The following RBM33 variants were observed in gnomAD, a reference collection of about 807,000 sequenced individuals.
The protein encoded by RBM33 is RNA binding motif protein 33.
A neutral mutation model predicts 132.6 loss-of-function variants in RBM33; 28 were observed. The ratio of observed to expected loss-of-function variants is 0.21; its 90% CI spans 0.16 to 0.29. RBM33 has a LOEUF of 0.29. RBM33 is among the 10% of genes least tolerant of loss of function. The pLI is 1.00. For missense variants in RBM33, 1,291 were observed against 1,518.5 expected, an observed-to-expected ratio of 0.85 and a Z score of 2.49; for synonymous variants, 634 against 593.0, an observed-to-expected ratio of 1.07 and a Z score of -1.01.
Position 155,780,178 on chromosome 7 carries a change from A to G in RBM33, c.*5137A>G, listed in dbSNP as rs1267109528. The G allele has an allele frequency of 3.9e-5, 6 of 152,226 alleles. No homozygotes were observed. The highest frequency in any genetic ancestry group is 9.7e-5 in the African/African-American group (4 of 41,448). 9.4% of individuals were successfully genotyped at this position (152,226 alleles called of 1,614,324 possible). Reference sequence around the variant, plus strand: ...GTTTTGCAAGGACTGTGTAAGCTGTATGCGTTCTAGCTGTATGCGTTCTGT... The same window carrying G: ...GTTTTGCAAGGACTGTGTAAGCTGTGTGCGTTCTAGCTGTATGCGTTCTGT... On this transcript the variant is annotated 3_prime_UTR_variant, in exon 18 of 18. Transcript: ENST00000401878.
chr7:155,655,218 C>T (rs1174539316), intron 1 of RBM33, among the ~76,000 whole-genome samples: 2 of 152,088 alleles, frequency 1.3e-5, no homozygotes, highest in East Asian at 1.9e-4. Context: ...TTGGAGAATT[C>T]CCCCCCATTA....
chr7:155,728,422 C>A (rs965610023), intron 9 of RBM33, among the ~76,000 whole-genome samples: 1 of 152,180 alleles, frequency 6.6e-6, no homozygotes, highest in Non-Finnish European at 1.5e-5. Context: ...GTACATACTC[C>A]AGGCTACACT....
rs1475375192 is a variant in RBM33 at position 155,745,466 on chromosome 7, GAGT to G, written c.2844_2846del (p.Val949del). 3.1e-6 allele frequency: 5 copies of G among 1,613,682 alleles called. No individual in the cohort carries two copies. The African/African-American group carries it at 6.7e-5, about 22-fold the overall frequency. On this transcript the variant is annotated inframe_deletion, in exon 14 of 18. Transcript: ENST00000401878. The surrounding 1 kb of genome is among the most constrained non-coding windows in gnomAD (Gnocchi z 4.1). Reference sequence around the variant, plus strand: ...GAGCCAGCTGTCCCCCAGACTCCTCGAGTGGCGTCCATCCAGGGCCGGCCCCAG... The same window carrying G: ...GAGCCAGCTGTCCCCCAGACTCCTCGGGCGTCCATCCAGGGCCGGCCCCAG...
intron 5 of RBM33, among the ~76,000 whole-genome samples, chr7:155,694,325 AG>A (rs1209111155): frequency 8.5e-5 from 13 of 152,208 alleles, no homozygotes; most frequent in Non-Finnish European, 1.6e-4. Context: ...CATTAGTGCT[AG>A]TTATGCTATT....
chr7:155,766,340 A>G (rs952665078), intron 15 of RBM33, 127 bp from the exon 16 acceptor site: 1 of 1,072,790 alleles, frequency 9.3e-7, no homozygotes, highest in African/African-American at 1.6e-5. Flanking sequence ...ATAGAAAACT[A>G]CAGAAAATCC....
intron 7 of RBM33, among the ~76,000 whole-genome samples, chr7:155,710,039 C>G (rs1415299333): frequency 6.6e-6 from 1 of 152,204 alleles, no homozygotes; most frequent in African/African-American, 2.4e-5. Flanking sequence ...TCATCTCACA[C>G]TGCTGTGAAT....
intron 1 of RBM33, among the ~76,000 whole-genome samples, chr7:155,659,359 G>T (rs1458172794): frequency 6.6e-6 from 1 of 151,954 alleles, no homozygotes; most frequent in Non-Finnish European, 1.5e-5. Context: ...AAAAGCTAAA[G>T]GAAATCTGGA....
intron 5 of RBM33, among the ~76,000 whole-genome samples, chr7:155,691,965 C>A (rs1585444180): frequency 6.6e-6 from 1 of 151,574 alleles, no homozygotes; most frequent in East Asian, 1.9e-4. Context: ...GTTGGAGGAT[C>A]ACTTGAGCCC....
At chr7:155,772,835 G>T (rs1194097538) in intron 16 of RBM33, among the ~76,000 whole-genome samples, 1 of 152,166 alleles carries the variant, frequency 6.6e-6, no homozygotes, top group African/African-American at 2.4e-5. Context: ...TTGGAGACTT[G>T]AACCTTTGTA....
chr7:155,645,820 A>T (rs557379513), intron 1 of RBM33, among the ~76,000 whole-genome samples: 10 of 152,312 alleles, frequency 6.6e-5, no homozygotes, highest in African/African-American at 2.4e-4. Flanking sequence ...TATACTCGAG[A>T]AGTATTTTTT....
intron 9 of RBM33, among the ~76,000 whole-genome samples, chr7:155,719,152 A>G (rs938398138): frequency 3.5e-4 from 53 of 152,064 alleles, no homozygotes; most frequent in Admixed American, 2.7e-3. Flanking sequence ...TAGTTTGTTC[A>G]TGGTTTTACT....
chr7:155,665,337 C>T (rs1317537339), intron 2 of RBM33, 84 bp downstream of exon 2: 13 of 1,226,264 alleles, frequency 1.1e-5, no homozygotes, highest in East Asian at 9.5e-5. Context: ...CTTTACTGAA[C>T]GCAGCACCTT....
At chr7:155,683,436 T>C (rs1243625720) in intron 5 of RBM33, among the ~76,000 whole-genome samples, 1 of 152,244 alleles carries the variant, frequency 6.6e-6, no homozygotes, top group Non-Finnish European at 1.5e-5. Flanking sequence ...CCTTGGGTTG[T>C]TAACCCCCAC....
Position 155,774,731 on chromosome 7 carries a change from C to G in RBM33, c.3464+84C>G, listed in dbSNP as rs1802546617. The G allele has an allele frequency of 1.8e-6, 2 of 1,119,956 alleles. No homozygotes were observed. The highest frequency in any genetic ancestry group is 2.5e-5 in the South Asian group (2 of 80,762). The allele number at this position is 1,119,956 out of a possible 1,614,324, so 69.4% of individuals were successfully genotyped here. On this transcript the variant is annotated intron_variant, in intron 17 of 17. Transcript: ENST00000401878. This position sits in a 1 kb window ranked among gnomAD's most constrained non-coding sequence, Gnocchi z 4.2. Reference sequence around the variant, plus strand: ...TGTGCCCTCCCATCCATCATGGTAGCAAGCGTGTGTCCCCACCTGTTCCTG... The same window carrying G: ...TGTGCCCTCCCATCCATCATGGTAGGAAGCGTGTGTCCCCACCTGTTCCTG...
At chr7:155,741,034 G>A (rs1177369638) in intron 12 of RBM33, among the ~76,000 whole-genome samples, 3 of 152,096 alleles carry the variant, frequency 2.0e-5, no homozygotes, top group Non-Finnish European at 2.9e-5. Context: ...CCTGATATTT[G>A]CCTCTTTCTT....
chr7:155,645,884 C>G (rs1798174343), intron 1 of RBM33, among the ~76,000 whole-genome samples: 1 of 152,028 alleles, frequency 6.6e-6, no homozygotes, highest in African/African-American at 2.4e-5. Flanking sequence ...GAATTTTGGC[C>G]CAACTGTCAA....
chr7:155,719,529 A>G (rs1800561215), intron 9 of RBM33, among the ~76,000 whole-genome samples: 1 of 152,172 alleles, frequency 6.6e-6, no homozygotes, highest in South Asian at 2.1e-4. Context: ...TGTTTAGCTA[A>G]TGTGTTTCTA....
chr7:155,665,060 T>A, intron 1 of RBM33, 115 bp from the exon 2 acceptor site: 1 of 748,696 alleles, frequency 1.3e-6, no homozygotes, highest in South Asian at 1.7e-5. Flanking sequence ...ATGAAACTTT[T>A]GTAATTTAAA....
chr7:155,743,190 A>G (rs981083825), intron 13 of RBM33, among the ~76,000 whole-genome samples: 3 of 152,264 alleles, frequency 2.0e-5, no homozygotes, highest in African/African-American at 7.2e-5. Flanking sequence ...TTTGGTTTTA[A>G]AATCAATATG....
Sources: allele counts gnomAD v4.1 joint callset (sites outside exome capture counted in the v4.1 genomes callset), GRCh38; gene constraint gnomAD v4.1.1; non-coding constraint Gnocchi (gnomAD v3.1); transcripts MANE v1.5; gene names NCBI Gene and HGNC (gene_info 2026-07-23, HGNC 2026-07-21).